MLIP: variants seen among roughly 807,000 people sequenced by gnomAD.
MLIP encodes the protein muscular LMNA-interacting protein.
Under a neutral mutation model 84.8 loss-of-function variants are expected in MLIP, and 79 were observed. The ratio of observed to expected loss-of-function variants is 0.93; its 90% CI spans 0.78 to 1.12. MLIP has a LOEUF of 1.12. Among genes scored for constraint, MLIP ranks in the 50% most tolerant of loss-of-function variants. The pLI is 0.00. For missense variants in MLIP, 1,257 were observed against 1,160.6 expected (o/e 1.08, Z -1.21); for synonymous variants, 504 against 463.0 (o/e 1.09, Z -1.14).
intron 1 of MLIP, among the ~76,000 whole-genome samples, chr6:54,094,397 A>G (rs1184226445): frequency 6.6e-6 from 1 of 152,132 alleles, no homozygotes; most frequent in Non-Finnish European, 1.5e-5. Context: ...CTCAGTCTGC[A>G]TATTTTTATT....
rs1460079725 is a variant in MLIP, at chr6:54,136,695, T to C, written c.646-20T>C. 1.4e-6 allele frequency: 2 copies of C among 1,452,408 alleles called. No individual in the cohort carries two copies. The highest frequency in any genetic ancestry group is 2.8e-5 in the African/African-American group (2 of 70,568). The allele number at this position is 1,452,408 out of a possible 1,614,324, so 90.0% of individuals were successfully genotyped here. ...ACAAATAATGTCCTATTTCAATCTG[T>C]CTATTTCTCTTTCCTCTAGTTAACT... On this transcript the variant is annotated intron_variant, in intron 3 of 13. Transcript: ENST00000502396.
intron 12 of MLIP, among the ~76,000 whole-genome samples, chr6:54,254,726 C>CTT (rs758826428): frequency 5.0e-5 from 6 of 120,192 alleles, no homozygotes; most frequent in Non-Finnish European, 9.5e-5. Context: ...TTAGAATCTT[C>CTT]TTTTTTTTTC....
chr6:54,058,540 C>T (rs1186348401), intron 1 of MLIP, among the ~76,000 whole-genome samples: 1 of 152,192 alleles, frequency 6.6e-6, no homozygotes, highest in African/African-American at 2.4e-5. Flanking sequence ...TACATTCTAA[C>T]AGGAAAGGCA....
chr6:54,216,369 A>C (rs1006355036), intron 11 of MLIP: 1 of 985,338 alleles, frequency 1.0e-6, no homozygotes, highest in Non-Finnish European at 1.2e-6. Context: ...GAAATAAAAG[A>C]CCAGAATCCA....
At chr6:54,134,677 C>T (rs1771658589) in intron 3 of MLIP, among the ~76,000 whole-genome samples, 1 of 151,932 alleles carries the variant, frequency 6.6e-6, no homozygotes, top group South Asian at 2.1e-4. Context: ...TTAGTCTTTT[C>T]CTCTGAATGA....
intron 1 of MLIP, among the ~76,000 whole-genome samples, chr6:54,112,458 C>T (rs1769547190): frequency 2.0e-5 from 3 of 152,172 alleles, no homozygotes; most frequent in African/African-American, 7.2e-5. Flanking sequence ...GTGAAAAGAG[C>T]TAATATTGTA....
At chr6:54,180,086 T>G (rs902034270) in intron 9 of MLIP, among the ~76,000 whole-genome samples, 3 of 152,082 alleles carry the variant, frequency 2.0e-5, no homozygotes, top group African/African-American at 7.2e-5. Context: ...TTGGGTAAAC[T>G]TTTTTGTTGT....
chr6:54,179,027 T>C (rs1485722660), intron 9 of MLIP, among the ~76,000 whole-genome samples: 1 of 152,234 alleles, frequency 6.6e-6, no homozygotes, highest in African/African-American at 2.4e-5. Flanking sequence ...CATTGAGGTC[T>C]ATGTCTCTCT....
At position 54,137,384 on chromosome 6, in the gene MLIP, T is replaced by G; in HGVS notation, c.1315T>G (p.Phe439Val). Residue 439 changes from phenylalanine to valine, a missense_variant, in exon 4 of 14, where the codon TTC (phenylalanine) becomes GTC (valine). Transcript: ENST00000502396. Reference protein sequence around the residue: ...RPFSPASCPTFSLNSPASSTL... With the variant: ...RPFSPASCPTVSLNSPASSTL... ...CTTTTCCCCTGCATCCTGTCCCACC[T>G]TCTCTCTCAACTCCCCGGCCTCTTC... The G allele has an allele frequency of 6.5e-7, 1 of 1,536,026 alleles. No individual in the cohort carries two copies. The highest frequency in any genetic ancestry group is 8.7e-7 in the Non-Finnish European group (1 of 1,146,882).
intron 5 of MLIP, among the ~76,000 whole-genome samples, chr6:54,159,678 A>G (rs1275577802): frequency 6.6e-6 from 1 of 152,228 alleles, no homozygotes; most frequent in East Asian, 1.9e-4. Context: ...AAGGTCATAC[A>G]GAAACCAGAA....
In MLIP at chr6:54,050,082, C is replaced by T. The variant is rs150537667; in HGVS notation, c.63+30991C>T. On this transcript the variant is annotated intron_variant, in intron 1 of 12. Transcript: ENST00000274897. ...TCTTGTTACAGAAAAAAAGAACATC[C>T]ATTCATTGATTTATTCATTTTCTTT... Among the ~76,000 whole-genome samples the T allele has an allele frequency of 2.4e-3, 360 of 152,154 alleles. 1 individual carries two copies. Among genetic ancestry groups the T allele is most frequent in the Non-Finnish European group, 3.6e-3 (245 of 67,962 alleles).
intron 1 of MLIP, among the ~76,000 whole-genome samples, chr6:54,086,748 C>T (rs760377097): frequency 2.6e-5 from 4 of 152,108 alleles, no homozygotes; most frequent in Non-Finnish European, 5.9e-5. Context: ...TAGCCTCCTA[C>T]CTTTGGTTCT....
intron 11 of MLIP, among the ~76,000 whole-genome samples, chr6:54,229,069 T>C (rs140727208): frequency 6.0e-4 from 92 of 152,270 alleles, no homozygotes; most frequent in African/African-American, 2.1e-3. Context: ...CATTAACCAA[T>C]GAAATTAGAC....
chr6:54,040,572 C>A (rs1409854534), intron 1 of MLIP, among the ~76,000 whole-genome samples: 1 of 151,998 alleles, frequency 6.6e-6, no homozygotes, highest in African/African-American at 2.4e-5. Context: ...GGTTTAAATG[C>A]AAAGGAAAAT....
chr6:54,157,422 G>A (rs900466722), intron 5 of MLIP, among the ~76,000 whole-genome samples: 2 of 152,040 alleles, frequency 1.3e-5, no homozygotes, highest in Non-Finnish European at 2.9e-5. Flanking sequence ...CTGACCAGGT[G>A]GAATTCCTGA....
chr6:54,111,730 G>T (rs1659570597), intron 1 of MLIP, among the ~76,000 whole-genome samples, 155 bp downstream of exon 1: 1 of 152,136 alleles, frequency 6.6e-6, no homozygotes, highest in Admixed American at 6.6e-5. Flanking sequence ...TAGAGAAAAG[G>T]GTGAGCTGAT....
At chr6:54,157,470 ATC>A in intron 5 of MLIP, among the ~76,000 whole-genome samples, 1 of 152,034 alleles carries the variant, frequency 6.6e-6, no homozygotes, top group East Asian at 1.9e-4. Context: ...AAACAAGCCA[ATC>A]ATATCCTTTG....
At chr6:54,241,877 C>T (rs1202111037) in intron 12 of MLIP, among the ~76,000 whole-genome samples, 2 of 152,018 alleles carry the variant, frequency 1.3e-5, no homozygotes, top group Non-Finnish European at 2.9e-5. Flanking sequence ...CAATTATTTG[C>T]GTTATTTCTG....
chr6:54,249,293 G>A lies in MLIP; in HGVS notation c.2923-8015G>A, dbSNP rs112838904. ...AAGTGATTTTCCCCAGGTCACAAAG[G>A]GAATTAATTAGATAGACAAACTTGG... is the stretch of plus-strand genomic sequence containing the variant. On this transcript the variant is annotated intron_variant, in intron 12 of 13. Transcript: ENST00000502396. 4.9e-4 allele frequency among the ~76,000 whole-genome samples: 74 copies of A among 151,830 alleles called. 2 individuals carry two copies. Among genetic ancestry groups the A allele is most frequent in the African/African-American group, 1.8e-3 (73 of 41,388 alleles).
Sources: gnomAD v4.1 joint callset for allele counts (sites outside exome capture counted in the v4.1 genomes callset) on GRCh38, gnomAD v4.1.1 for gene constraint, MANE v1.5 for transcripts, NCBI Gene and HGNC (gene_info 2026-07-23, HGNC 2026-07-21) for gene names.